PALM2AKAP2: variants seen among roughly 807,000 people sequenced by gnomAD.
PALM2AKAP2 encodes PALM2 and AKAP2 fusion, also known as PALM2-AKAP2 fusion protein.
A neutral mutation model predicts 71.5 loss-of-function variants in PALM2AKAP2; 37 were observed. The ratio of observed to expected loss-of-function variants is 0.52; its 90% CI spans 0.40 to 0.68. The LOEUF (loss-of-function observed/expected upper bound fraction) is 0.68. Ranked by LOEUF, PALM2AKAP2 falls within the 30% of genes least tolerant of loss-of-function variation. The pLI is 0.00. For missense variants in PALM2AKAP2, 1,224 were observed against 1,191.8 expected (o/e 1.03, Z -0.40); for synonymous variants, 468 against 478.8 (o/e 0.98, Z 0.29).
intron 1 of PALM2AKAP2, among the ~76,000 whole-genome samples, chr9:109,698,921 G>C (rs1170436693): frequency 1.3e-5 from 2 of 152,158 alleles, no homozygotes; most frequent in Non-Finnish European, 1.5e-5. Flanking sequence ...ACAAAAAGGA[G>C]AGGGGGAAAA....
chr9:109,960,834 A>G (rs1453220472), intron 6 of PALM2AKAP2, among the ~76,000 whole-genome samples: 1 of 152,182 alleles, frequency 6.6e-6, no homozygotes, highest in East Asian at 1.9e-4. Flanking sequence ...TTCCCAAGCA[A>G]GTTTAGCAGC....
intron 6 of PALM2AKAP2, chr9:109,942,843 C>T (rs1329890069): frequency 6.2e-7 from 1 of 1,614,088 alleles, no homozygotes; most frequent in South Asian, 1.1e-5. Context: ...GCTCAGGAGG[C>T]ACCGTAGTAG....
intron 3 of PALM2AKAP2, among the ~76,000 whole-genome samples, chr9:109,919,964 G>C (rs904478036): frequency 1.3e-5 from 2 of 152,054 alleles, no homozygotes; most frequent in African/African-American, 4.8e-5. Context: ...AGGTGCTTCT[G>C]AACTATATAG....
intron 1 of PALM2AKAP2, among the ~76,000 whole-genome samples, chr9:110,062,923 A>G (rs1833994228): frequency 6.6e-6 from 1 of 152,194 alleles, no homozygotes; most frequent in Non-Finnish European, 1.5e-5. Flanking sequence ...TTTTGCCCAC[A>G]GGGAAATTCC....
chr9:110,014,207 T>C (rs1416454115), intron 6 of PALM2AKAP2, among the ~76,000 whole-genome samples: 3 of 152,200 alleles, frequency 2.0e-5, no homozygotes, highest in African/African-American at 7.2e-5. Flanking sequence ...TCTTGAGCTA[T>C]CCTTAGATAA....
chr9:109,830,128 G>C (rs1224537115), intron 1 of PALM2AKAP2, among the ~76,000 whole-genome samples: 1 of 152,218 alleles, frequency 6.6e-6, no homozygotes, highest in Non-Finnish European at 1.5e-5. Flanking sequence ...GTCAAAAGAA[G>C]TGACGACCTA....
intron 3 of PALM2AKAP2, among the ~76,000 whole-genome samples, chr9:109,917,938 C>T (rs1400560431): frequency 6.6e-6 from 1 of 152,054 alleles, no homozygotes; most frequent in African/African-American, 2.4e-5. Context: ...TGTTGCCATC[C>T]CCAACCAAAT....
intron 1 of PALM2AKAP2, among the ~76,000 whole-genome samples, chr9:110,075,703 A>G (rs1053593422): frequency 6.6e-6 from 1 of 151,964 alleles, no homozygotes; most frequent in Non-Finnish European, 1.5e-5. Context: ...TCACTTTAGC[A>G]TAAGCATTTT....
chr9:109,695,567 A>G (rs556039127), intron 1 of PALM2AKAP2, among the ~76,000 whole-genome samples: 16 of 152,194 alleles, frequency 1.1e-4, no homozygotes, highest in Admixed American at 3.3e-4. Flanking sequence ...AACATTTTTC[A>G]TACACCTGTT....
chr9:110,069,008 C>A (rs1446600012), intron 1 of PALM2AKAP2, among the ~76,000 whole-genome samples: 1 of 152,164 alleles, frequency 6.6e-6, no homozygotes, highest in African/African-American at 2.4e-5. Context: ...TTCAGTGTTA[C>A]CTTGACTTAA....
chr9:109,670,714 G>A (rs1333915587), intron 1 of PALM2AKAP2, among the ~76,000 whole-genome samples: 4 of 152,060 alleles, frequency 2.6e-5, no homozygotes, highest in Non-Finnish European at 5.9e-5. Flanking sequence ...CACGATGGTT[G>A]AACTAATTTA....
At chr9:109,843,866 T>C (rs984818937) in intron 1 of PALM2AKAP2, among the ~76,000 whole-genome samples, 3 of 152,192 alleles carry the variant, frequency 2.0e-5, no homozygotes, top group Admixed American at 6.5e-5. Flanking sequence ...AGTGGCCTTC[T>C]TCTGTCAGCA....
intron 1 of PALM2AKAP2, chr9:110,125,428 T>C: frequency 4.4e-6 from 4 of 902,690 alleles, no homozygotes; most frequent in Non-Finnish European, 5.3e-6. Flanking sequence ...AGTCCTTCTT[T>C]GTGTGAATGG....
At chr9:110,156,961 G>A (rs1299520806) in intron 3 of PALM2AKAP2, among the ~76,000 whole-genome samples, 1 of 152,184 alleles carries the variant, frequency 6.6e-6, no homozygotes, top group Admixed American at 6.5e-5. Flanking sequence ...GTGCTTAAAA[G>A]ACTGAGTGTG....
At chr9:109,751,045 C>T (rs1280034850) in intron 1 of PALM2AKAP2, among the ~76,000 whole-genome samples, 4 of 152,204 alleles carry the variant, frequency 2.6e-5, no homozygotes, top group South Asian at 2.1e-4. Context: ...TACTTAAGTG[C>T]GATGTCCATG....
At chr9:110,110,088 A>G (rs544546033) in intron 1 of PALM2AKAP2, among the ~76,000 whole-genome samples, 86 of 152,330 alleles carry the variant, frequency 5.6e-4, no homozygotes, top group African/African-American at 1.9e-3. Flanking sequence ...CTAAGAGGGT[A>G]GATTTTAAGT....
Position 110,137,722 on chromosome 9 carries a change from C to T in PALM2AKAP2, c.1752C>T (p.Phe584=), listed in dbSNP as rs1259768932. ...TCCTGGAGACCCTATCCAATGATTT[C>T]AGCATGGACAACATCAGTGACAGCG... The change falls in exon 2 of 4, where the codon TTC becomes TTT. Residue 584 remains phenylalanine, a synonymous_variant. Transcript: ENST00000374525. 5.0e-6 allele frequency: 8 copies of T among 1,614,080 alleles called. No homozygotes were observed. The South Asian group carries it at 6.6e-5, about 13-fold the overall frequency.
intron 6 of PALM2AKAP2, among the ~76,000 whole-genome samples, chr9:109,971,571 G>A (rs956665196): frequency 6.6e-6 from 1 of 151,954 alleles, no homozygotes; most frequent in Non-Finnish European, 1.5e-5. Context: ...GATTACAGAC[G>A]TTCGCCACCA....
rs1174713042 is a variant in PALM2AKAP2, at chr9:109,691,939, TAC to T, written c.5+51077_5+51078del. ...ATATATATATACACATATATATATA[TAC>T]ACATATATATATATACATATATATC... On this transcript the variant is annotated intron_variant, in intron 1 of 6. Transcript: ENST00000374531. Among the ~76,000 whole-genome samples the T allele has an allele frequency of 3.2e-5, 4 of 126,330 alleles. No individual in the cohort carries two copies. In the Admixed American group the frequency reaches 3.2e-4, roughly 10 times the overall value. The allele number at this position is 126,330 out of a possible 152,430, so 82.9% of individuals were successfully genotyped here.
Sources: allele counts gnomAD v4.1 joint callset (sites outside exome capture counted in the v4.1 genomes callset), GRCh38; gene constraint gnomAD v4.1.1; transcripts MANE v1.5; gene names NCBI Gene and HGNC (gene_info 2026-07-23, HGNC 2026-07-21).